The following RIMBP2 variants were observed in gnomAD, a reference collection of about 807,000 sequenced individuals.
RIMBP2 encodes the protein RIMS-binding protein 2.
In RIMBP2, 48 loss-of-function variants were observed where a neutral mutation model predicts 118.6. The observed-to-expected ratio is 0.40, with a 90% confidence interval of 0.32 to 0.51. The LOEUF (loss-of-function observed/expected upper bound fraction) is 0.51. RIMBP2 is among the 20% of genes least tolerant of loss of function. The pLI is 0.41. For synonymous variants in RIMBP2, 762 were observed against 742.9 expected (o/e 1.03, Z -0.42); for missense variants, 1,551 against 1,768.3 (o/e 0.88, Z 2.20).
intron 3 of RIMBP2, among the ~76,000 whole-genome samples, chr12:130,507,135 G>C (rs1335580483): frequency 6.6e-6 from 1 of 152,196 alleles, no homozygotes; most frequent in Non-Finnish European, 1.5e-5. Flanking sequence ...TCTTGCACTT[G>C]TATAGGAACC....
intron 1 of RIMBP2, among the ~76,000 whole-genome samples, chr12:130,677,950 C>G (rs1301290875): frequency 2.0e-5 from 3 of 152,268 alleles, no homozygotes; most frequent in Non-Finnish European, 4.4e-5. Context: ...CCTCCTCCAC[C>G]TGGCTCCCTC....
intron 16 of RIMBP2, among the ~76,000 whole-genome samples, chr12:130,423,173 TA>T (rs2076523607): frequency 6.6e-6 from 1 of 152,218 alleles, no homozygotes; most frequent in African/African-American, 2.4e-5. Context: ...TAGGATTGAC[TA>T]AAGACAATCA....
chr12:130,577,655 G>A (rs958675892), intron 2 of RIMBP2, among the ~76,000 whole-genome samples: 1 of 152,162 alleles, frequency 6.6e-6, no homozygotes, highest in African/African-American at 2.4e-5. Context: ...TTCAAGATGA[G>A]ATTTAGGCAG....
At chr12:130,615,300 T>TATATATATATATATAC (rs1367996306) in intron 2 of RIMBP2, among the ~76,000 whole-genome samples, 6 of 140,844 alleles carry the variant, frequency 4.3e-5, no homozygotes, top group Non-Finnish European at 9.2e-5. Flanking sequence ...TATATATGTG[T>TATATATATATATATAC]ACACACAAAC....
chr12:130,414,403 G>A (rs572959177), intron 17 of RIMBP2, 97 bp from the exon 18 acceptor site: 226 of 1,258,696 alleles, frequency 1.8e-4, no homozygotes, highest in Non-Finnish European at 2.1e-4. Context: ...GGATGGCAGC[G>A]GTTCCTTGAC....
At chr12:130,532,948 G>A (rs2053625829) in intron 2 of RIMBP2, among the ~76,000 whole-genome samples, 2 of 150,734 alleles carry the variant, frequency 1.3e-5, no homozygotes, top group Admixed American at 1.3e-4. Flanking sequence ...GACGTCTAAT[G>A]AGATGCGTGT....
At chr12:130,600,472 G>A (rs551874065) in intron 2 of RIMBP2, among the ~76,000 whole-genome samples, 7 of 148,454 alleles carry the variant, frequency 4.7e-5, no homozygotes, top group Non-Finnish European at 1.0e-4. Context: ...CCGTCTGGCC[G>A]GAAGGATGTC....
At chr12:130,495,446 G>C (rs1271946056) in intron 4 of RIMBP2, among the ~76,000 whole-genome samples, 1 of 152,064 alleles carries the variant, frequency 6.6e-6, no homozygotes, top group Non-Finnish European at 1.5e-5. Flanking sequence ...CCCCCTAACA[G>C]ACATGTGCAG....
At chr12:130,645,736 G>T (rs549895082) in intron 1 of RIMBP2, among the ~76,000 whole-genome samples, 3 of 152,326 alleles carry the variant, frequency 2.0e-5, no homozygotes, top group Admixed American at 1.3e-4. Flanking sequence ...AACCGTGCCT[G>T]ATCTCTTCCT....
At chr12:130,598,939 T>C (rs2059713564) in intron 2 of RIMBP2, among the ~76,000 whole-genome samples, 1 of 152,148 alleles carries the variant, frequency 6.6e-6, no homozygotes, top group African/African-American at 2.4e-5. Context: ...ACTTCTGAGC[T>C]CAAGCGATCC....
At chr12:130,568,929 G>A (rs1045288047) in intron 2 of RIMBP2, among the ~76,000 whole-genome samples, 4 of 151,754 alleles carry the variant, frequency 2.6e-5, no homozygotes, top group Non-Finnish European at 5.9e-5. Flanking sequence ...AAAATGCCAC[G>A]TGCCCTCCTC....
In RIMBP2 at chr12:130,607,548, G is replaced by C. The variant is rs140365864; in HGVS notation, c.-217+20774C>G. On this transcript the variant is annotated intron_variant, in intron 2 of 22. Coordinates refer to ENST00000690449, the MANE Select transcript of RIMBP2 (RefSeq NM_001393629.1). ...GGTGGGAACATGCTGCTTATTCATG[G>C]TGCTTTGATCATCTCCTGTGAGTTT... 3.9e-5 allele frequency among the ~76,000 whole-genome samples: 6 copies of C among 152,008 alleles called. No individual in the cohort carries two copies. The East Asian group carries it at 1.2e-3, about 30-fold the overall frequency.
At chr12:130,440,382 C>G (rs1217930456) in intron 11 of RIMBP2, among the ~76,000 whole-genome samples, 1 of 152,182 alleles carries the variant, frequency 6.6e-6, no homozygotes, top group Non-Finnish European at 1.5e-5. Context: ...ACACCTTCTT[C>G]CTCCAACACA....
chr12:130,493,352 T>A (rs1292268454), intron 4 of RIMBP2, among the ~76,000 whole-genome samples: 2 of 152,170 alleles, frequency 1.3e-5, no homozygotes. Flanking sequence ...TCTCGCTCTG[T>A]TGCCCAGGCT....
intron 16 of RIMBP2, among the ~76,000 whole-genome samples, chr12:130,423,672 A>G (rs1462772073): frequency 6.7e-6 from 1 of 148,394 alleles, no homozygotes; most frequent in African/African-American, 2.5e-5. Flanking sequence ...AAAAAAAAAA[A>G]AAAATAGATT....
rs1388265106 is a variant in RIMBP2 at position 130,469,107 on chromosome 12, G to A, written c.153+1586C>T. On this transcript the variant is annotated intron_variant, in intron 6 of 22. Transcript: ENST00000690449. The surrounding 1 kb of genome is among the most constrained non-coding windows in gnomAD (Gnocchi z 4.8). ...CGCGTCCACTCACGGGAAAAGCATCGCCAAGCACGCCGGGCAGGGAAGATG... is the reference window on the plus strand; with the variant it reads ...CGCGTCCACTCACGGGAAAAGCATCACCAAGCACGCCGGGCAGGGAAGATG... 2.6e-5 allele frequency: 4 copies of A among 152,594 alleles called. No individual in the cohort carries two copies. The highest frequency in any genetic ancestry group is 1.9e-4 in the East Asian group (1 of 5,194). The allele number at this position is 152,594 out of a possible 1,614,324, so 9.5% of individuals were successfully genotyped here.
At position 130,436,967 on chromosome 12, in the gene RIMBP2, C is replaced by T; in HGVS notation, c.1981G>A (p.Gly661Ser). ...VHGHMLEPPVGPGRRSPSPSR... is the reference protein window; with the variant it reads ...VHGHMLEPPVSPGRRSPSPSR... ...GGTGAGGGCGACCGCCTTCCGGGGC[C>T]CACGGGCGGCTCCAGCATGTGCCCA... Residue 661 changes from glycine (G) to serine (S), a missense_variant, in exon 13 of 23, where the codon GGC becomes AGC. Around this residue, in one of 5 missense-constraint regions of RIMBP2, gnomAD observed 1,038 missense variants for 1,125.1 expected, o/e 0.92. Transcript: ENST00000690449. 1 of 1,608,376 alleles carries T rather than the reference C, an allele frequency of 6.2e-7. No homozygotes were observed. Among genetic ancestry groups the T allele is most frequent in the Non-Finnish European group, 8.5e-7 (1 of 1,177,932 alleles).
chr12:130,561,119 T>G (rs758626115), intron 2 of RIMBP2, among the ~76,000 whole-genome samples: 1 of 152,010 alleles, frequency 6.6e-6, no homozygotes, highest in Non-Finnish European at 1.5e-5. Context: ...GGCCACCAAA[T>G]CACCAGAAGA....
Position 130,553,282 on chromosome 12 carries a change from A to C in RIMBP2, c.-216-35365T>G, listed in dbSNP as rs1418041008. Among the ~76,000 whole-genome samples the C allele has an allele frequency of 2.6e-5, 4 of 152,156 alleles. No individual in the cohort carries two copies. In the East Asian group the frequency reaches 5.8e-4, roughly 22 times the overall value. Reference sequence around the variant, plus strand: ...AAGGAAGCACTGGACACAATAACACATACTATTATTATAACAATTAACACC... The same window carrying C: ...AAGGAAGCACTGGACACAATAACACCTACTATTATTATAACAATTAACACC... On this transcript the variant is annotated intron_variant, in intron 2 of 22. Coordinates refer to ENST00000690449, the MANE Select transcript of RIMBP2 (RefSeq NM_001393629.1).
Sources: gnomAD v4.1 joint callset for allele counts (sites outside exome capture counted in the v4.1 genomes callset) on GRCh38, gnomAD v4.1.1 for gene constraint, gnomAD v4.1.1 regional missense constraint, Gnocchi (gnomAD v3.1) non-coding constraint, MANE v1.5 for transcripts, NCBI Gene and HGNC (gene_info 2026-07-23, HGNC 2026-07-21) for gene names.